Variants in LUC7L2 observed in about 807,000 individuals in gnomAD.
LUC7L2 encodes LUC7 like 2, pre-mRNA splicing factor.
In LUC7L2, 25 loss-of-function variants were observed where a neutral mutation model predicts 52.8. The observed-to-expected ratio is 0.47, with a 90% CI of 0.34 to 0.66. LUC7L2 has a LOEUF of 0.66. Among genes scored for constraint, LUC7L2 ranks in the 30% least tolerant of loss-of-function variants. LUC7L2 has a pLI of 0.01. For missense variants in LUC7L2, 328 were observed against 497.8 expected (o/e 0.66, Z 3.25); for synonymous variants, 144 against 160.9 (o/e 0.89, Z 0.80).
intron 2 of LUC7L2, among the ~76,000 whole-genome samples, chr7:139,383,264 C>A (rs374287305): frequency 1.3e-5 from 2 of 150,698 alleles, no homozygotes; most frequent in East Asian, 2.0e-4. Flanking sequence ...TACAGGCATG[C>A]GCCACCACAC....
At chr7:139,387,254 C>T (rs1285987201) in intron 2 of LUC7L2, among the ~76,000 whole-genome samples, 3 of 152,104 alleles carry the variant, frequency 2.0e-5, no homozygotes, top group East Asian at 3.8e-4. Flanking sequence ...AGTGCAGTGG[C>T]GCGATCTCGG....
chr7:139,390,217 CT>C (rs1794381354), intron 2 of LUC7L2, among the ~76,000 whole-genome samples: 1 of 50,154 alleles, frequency 2.0e-5, no homozygotes, highest in African/African-American at 5.0e-4. Context: ...AGTGCCCAGT[CT>C]CTCTCTCTCT....
At chr7:139,401,510 TG>T (rs1198700471) in intron 3 of LUC7L2, among the ~76,000 whole-genome samples, 2 of 152,198 alleles carry the variant, frequency 1.3e-5, no homozygotes, top group African/African-American at 2.4e-5. Context: ...TAGAATGCAG[TG>T]GTGCGATCTT....
rs560948001 is a variant in LUC7L2, at chr7:139,349,749, C to T, written c.-26+9232C>T. ...CTGTTCCTCTTCACAAATGAATTAACGTATTCAAAGACTTGAATGAATTAT... is the reference window on the plus strand; with the variant it reads ...CTGTTCCTCTTCACAAATGAATTAATGTATTCAAAGACTTGAATGAATTAT... On this transcript the variant is annotated intron_variant, in intron 1 of 10. Coordinates refer to the LUC7L2 transcript ENST00000541170. Among the ~76,000 whole-genome samples, 31 of 152,114 alleles carry T rather than the reference C, an allele frequency of 2.0e-4. No homozygotes were observed. The South Asian group carries it at 4.6e-3, about 22-fold the overall frequency.
At chr7:139,345,840 C>A in intron 1 of LUC7L2, 2 of 936,290 alleles carry the variant, frequency 2.1e-6, no homozygotes, top group Non-Finnish European at 1.5e-6. Flanking sequence ...GGGGAATTAA[C>A]TGGACATTTC....
At chr7:139,375,081 C>T (rs1569373084) in intron 1 of LUC7L2, 1 of 983,536 alleles carries the variant, frequency 1.0e-6, no homozygotes. Context: ...TTTCTTAGGG[C>T]TTATCATTCT....
At chr7:139,401,482 T>C (rs1045151682) in intron 3 of LUC7L2, among the ~76,000 whole-genome samples, 4 of 152,204 alleles carry the variant, frequency 2.6e-5, no homozygotes, top group Non-Finnish European at 5.9e-5. Context: ...TGAGACAGTC[T>C]CATTCTGTCA....
At chr7:139,356,910 A>C (rs1390704899), upstream of LUC7L2, among the ~76,000 whole-genome samples, 7 of 152,230 alleles carry the variant, frequency 4.6e-5, no homozygotes, top group Non-Finnish European at 1.0e-4. Context: ...ATGAAGAGCA[A>C]AATAAGTGGT....
chr7:139,376,270 CTTTA>C lies in LUC7L2; in HGVS notation c.156+117_156+120del, dbSNP rs1800705449. 2.8e-6 allele frequency: 3 copies of C among 1,054,330 alleles called. No homozygotes were observed. In the South Asian group the frequency reaches 4.8e-5, roughly 17 times the overall value. 65.3% of individuals were successfully genotyped at this position (1,054,330 alleles called of 1,614,324 possible). On this transcript the variant is annotated intron_variant, in intron 2 of 9. Coordinates refer to ENST00000354926, the MANE Select transcript of LUC7L2 (RefSeq NM_016019.5). The stretch of plus-strand genomic sequence containing the variant: ...TGACTTGTGAGGGGAGATTTGCATC[CTTTA>C]TTGTTTGTTTATTCAGGATGATTAC...
At chr7:139,385,145 CTG>C (rs552993020) in intron 2 of LUC7L2, among the ~76,000 whole-genome samples, 1 of 152,040 alleles carries the variant, frequency 6.6e-6, no homozygotes, top group Non-Finnish European at 1.5e-5. Context: ...GTATGGCGGA[CTG>C]TAGTGTTGAT....
chr7:139,365,481 C>T (rs908905892), intron 1 of LUC7L2, among the ~76,000 whole-genome samples: 2 of 152,048 alleles, frequency 1.3e-5, no homozygotes, highest in African/African-American at 4.8e-5. Context: ...AGTAGGAATT[C>T]AATGGCCATG....
chr7:139,373,957 A>G (rs1304898800), intron 1 of LUC7L2, among the ~76,000 whole-genome samples: 1 of 152,182 alleles, frequency 6.6e-6, no homozygotes, highest in African/African-American at 2.4e-5. Context: ...ATCATTTTAA[A>G]ATTGCTTAAT....
chr7:139,377,550 T>A (rs1407172583), intron 2 of LUC7L2, among the ~76,000 whole-genome samples: 2 of 151,994 alleles, frequency 1.3e-5, no homozygotes, highest in African/African-American at 4.8e-5. Context: ...CCCACCACCA[T>A]GCCCAACTAA....
chr7:139,357,794 C>A (rs1465215089), upstream of LUC7L2, among the ~76,000 whole-genome samples: 1 of 150,922 alleles, frequency 6.6e-6, no homozygotes, highest in East Asian at 2.0e-4. Context: ...TGGGTTCAAG[C>A]GGTTCTCCTG....
intron 1 of LUC7L2, chr7:139,345,380 C>A: frequency 7.1e-7 from 1 of 1,412,112 alleles, no homozygotes; most frequent in Non-Finnish European, 9.5e-7. Flanking sequence ...TATATACATA[C>A]ATGTCTGTAT....
At chr7:139,374,915 C>A in intron 1 of LUC7L2, 1 of 992,180 alleles carries the variant, frequency 1.0e-6, no homozygotes, top group Non-Finnish European at 1.2e-6. Flanking sequence ...GAATCACATC[C>A]TACACGAAAG....
intron 9 of LUC7L2, among the ~76,000 whole-genome samples, chr7:139,419,067 A>T (rs968713253): frequency 5.3e-5 from 8 of 151,842 alleles, no homozygotes; most frequent in African/African-American, 1.9e-4. Context: ...CCAAGATCGC[A>T]CCACTGCACT....
chr7:139,414,139 C>T (rs1220699304), intron 8 of LUC7L2, among the ~76,000 whole-genome samples: 3 of 152,208 alleles, frequency 2.0e-5, no homozygotes, highest in African/African-American at 4.8e-5. Flanking sequence ...GCCCACCCCC[C>T]TTCTTCACCT....
chr7:139,390,484 C>T lies in LUC7L2; in HGVS notation c.157-8115C>T, dbSNP rs929570040. ...CCTCAAGTGATCCACCTGCCTCGGCCTCCCAAAGTGCTGGGGTTACAGACA... is the reference window on the plus strand; with the variant it reads ...CCTCAAGTGATCCACCTGCCTCGGCTTCCCAAAGTGCTGGGGTTACAGACA... On this transcript the variant is annotated intron_variant, in intron 2 of 9. Transcript: ENST00000354926. Among the ~76,000 whole-genome samples, 3 of 151,832 alleles carry T rather than the reference C, an allele frequency of 2.0e-5. No homozygotes were observed. In the South Asian group the frequency reaches 6.2e-4, roughly 31 times the overall value.
Sources: gnomAD v4.1 joint callset for allele counts (sites outside exome capture counted in the v4.1 genomes callset) on GRCh38, gnomAD v4.1.1 for gene constraint, MANE v1.5 for transcripts, NCBI Gene and HGNC (gene_info 2026-07-23, HGNC 2026-07-21) for gene names.